Variants in C12orf42 observed in about 807,000 individuals in gnomAD.
C12orf42 encodes the protein chromosome 12 open reading frame 42.
In C12orf42, 25 loss-of-function variants were observed where a neutral mutation model predicts 21.6. That is an observed-to-expected ratio of 1.16 (90% confidence interval 0.84 to 1.62). C12orf42 has a LOEUF of 1.62. Among genes scored for constraint, C12orf42 ranks in the 40% most tolerant of loss-of-function variants. The pLI is 0.00. For missense variants in C12orf42, 483 were observed against 459.3 expected (o/e 1.05, Z -0.47); for synonymous variants, 174 against 175.0 (o/e 0.99, Z 0.05).
chr12:103,285,351 C>T (rs2036378867), intron 4 of C12orf42, among the ~76,000 whole-genome samples: 2 of 152,274 alleles, frequency 1.3e-5, no homozygotes, highest in South Asian at 4.2e-4. Context: ...AAGGATCCAG[C>T]CAGGTAAGAA....
rs552655838 is a variant in C12orf42 at position 103,285,696 on chromosome 12, T to C, written n.338-8486A>G. Among the ~76,000 whole-genome samples, 116 of 152,370 alleles carry C rather than the reference T, an allele frequency of 7.6e-4. No homozygotes were observed. The Middle Eastern group carries it at 0.01, about 13-fold the overall frequency. On this transcript the variant is annotated intron_variant and non_coding_transcript_variant, in intron 4 of 6. Coordinates refer to the C12orf42 transcript ENST00000546526. Reference sequence around the variant, plus strand: ...GAATAATATTGGATGTATAGTCTGATGCCAAATGACAGCAACTCCAAATAG... The same window carrying C: ...GAATAATATTGGATGTATAGTCTGACGCCAAATGACAGCAACTCCAAATAG...
rs1490635603 is a variant in C12orf42 at position 103,305,987 on chromosome 12, G to A, written c.618C>T (p.Pro206=). The change falls in exon 5 of 6, where the codon CCC becomes CCT. Residue 206 remains proline (P), a synonymous_variant. Transcript: ENST00000548883. ...TRPKGQPLSS[P]KKNSGSAARP... is the part of the protein sequence containing the mutation. ...CATGATACTTACCAGAATTTTTCTT[G>A]GGACTGCTCAAGGGCTGGCCCTTAG... is the stretch of plus-strand genomic sequence containing the variant. 1 of 1,600,132 alleles carries A rather than the reference G, an allele frequency of 6.2e-7. No individual in the cohort carries two copies.
At chr12:103,487,936 G>A (rs1954945143) in intron 1 of C12orf42, among the ~76,000 whole-genome samples, 1 of 152,092 alleles carries the variant, frequency 6.6e-6, no homozygotes. Flanking sequence ...CTTTTAATTG[G>A]GGTATTTAGC....
intron 3 of C12orf42, among the ~76,000 whole-genome samples, chr12:103,393,472 A>T (rs78395906): frequency 0.026 from 3,892 of 152,280 alleles, 58 homozygotes; most frequent in Non-Finnish European, 0.04. Context: ...TGGGGATTAT[A>T]TCTCAACATG....
At chr12:103,338,196 C>T (rs977110985) in intron 4 of C12orf42, among the ~76,000 whole-genome samples, 1 of 152,186 alleles carries the variant, frequency 6.6e-6, no homozygotes, top group African/African-American at 2.4e-5. Context: ...AGAAAATTTA[C>T]ATTTAAATTG....
downstream of C12orf42, chr12:103,268,230 T>C (rs1429446928): frequency 1.3e-5 from 2 of 152,018 alleles, no homozygotes; most frequent in Non-Finnish European, 2.9e-5. Context: ...TGTATAACAA[T>C]TGGAGTAAGC....
chr12:103,054,665 G>A, the C12orf42 span, among the ~76,000 whole-genome samples: 1 of 151,734 alleles, frequency 6.6e-6, no homozygotes, highest in Admixed American at 6.6e-5. Context: ...AATATTAAGG[G>A]GAATATATTC....
chr12:103,505,386 C>G, the C12orf42 span: 1 of 327,518 alleles, frequency 3.1e-6, no homozygotes. Context: ...GGCTGCACGT[C>G]TGACCCCATA....
At chr12:103,160,193 G>T in the C12orf42 span, among the ~76,000 whole-genome samples, 1 of 152,182 alleles carries the variant, frequency 6.6e-6, no homozygotes, top group Non-Finnish European at 1.5e-5. Context: ...CCCAGAATCT[G>T]TCCTAACATC....
rs756721534 is a variant in C12orf42 at position 103,302,361 on chromosome 12, G to A, written c.830C>T (p.Ala277Val). The change falls in exon 6 of 6, where the codon GCG becomes GTG. Residue 277 changes from alanine to valine, a missense_variant. Coordinates refer to ENST00000548883, the MANE Select transcript of C12orf42 (RefSeq NM_198521.5). The part of the protein sequence containing the change: ...GASGNPVGKG[A>V]VAMAPEMLPK... ...GAGCATCTCCGGCGCCATGGCAACC[G>A]CGCCTTTTCCGACGGGATTTCCGGA... 4 of 1,613,968 alleles carry A rather than the reference G, an allele frequency of 2.5e-6. No homozygotes were observed. In the East Asian group the frequency reaches 8.9e-5, roughly 36 times the overall value.
At chr12:103,203,678 A>G in the C12orf42 span, among the ~76,000 whole-genome samples, 1 of 152,200 alleles carries the variant, frequency 6.6e-6, no homozygotes, top group Non-Finnish European at 1.5e-5. Flanking sequence ...TTTCCCAAAC[A>G]TAAGAGCATG....
chr12:103,178,971 T>C, the C12orf42 span, among the ~76,000 whole-genome samples: 2 of 152,196 alleles, frequency 1.3e-5, no homozygotes, highest in Admixed American at 1.3e-4. Flanking sequence ...TCCAATGAAC[T>C]GACCAGTTGT....
chr12:103,306,138 C>T lies in C12orf42; in HGVS notation c.467G>A (p.Gly156Glu). The T allele has an allele frequency of 1.2e-6, 2 of 1,613,906 alleles. No individual in the cohort carries two copies. Among genetic ancestry groups the T allele is most frequent in the Non-Finnish European group, 1.7e-6 (2 of 1,179,850 alleles). Reference protein sequence around the residue: ...ARGETEERARGAPKQAWNSSF... With the variant: ...ARGETEERAREAPKQAWNSSF... ...ACTGTTCCAAGCCTGCTTGGGTGCT[C>T]CTCTGGCTCTCTCCTCAGTTTCTCC... The change falls in exon 5 of 6, where the codon GGA becomes GAA. Residue 156 changes from glycine to glutamate, a missense_variant. Gly to Glu is a moderately conservative substitution (Grantham distance 98). Transcript: ENST00000548883.
chr12:103,239,344 C>T (rs2033619553), intron 10 of C12orf42, among the ~76,000 whole-genome samples: 1 of 152,178 alleles, frequency 6.6e-6, no homozygotes, highest in Non-Finnish European at 1.5e-5. Context: ...TTGGCATCAA[C>T]TATAATCGGA....
chr12:103,495,935 C>T lies in C12orf42; in HGVS notation c.-55G>A, dbSNP rs1184670813. ...GCAGGGTCCCTATCCCGGGGCGCCG[C>T]CCGCAGCCTCCTCCGCGGGAGCTGG... On this transcript the variant is annotated 5_prime_UTR_variant, in exon 1 of 6. Coordinates refer to ENST00000548883, the MANE Select transcript of C12orf42 (RefSeq NM_198521.5). 1 of 152,382 alleles carries T rather than the reference C, an allele frequency of 6.6e-6. No homozygotes were observed. The highest frequency in any genetic ancestry group is 1.5e-5 in the Non-Finnish European group (1 of 68,200). 9.4% of individuals were successfully genotyped at this position (152,382 alleles called of 1,614,324 possible).
At chr12:103,131,202 A>C in the C12orf42 span, among the ~76,000 whole-genome samples, 1 of 152,194 alleles carries the variant, frequency 6.6e-6, no homozygotes, top group East Asian at 1.9e-4. Context: ...GAGAAGACTA[A>C]AATTTCCTGA....
At chr12:103,396,204 G>T (rs932347985) in intron 3 of C12orf42, among the ~76,000 whole-genome samples, 6 of 152,078 alleles carry the variant, frequency 3.9e-5, no homozygotes, top group African/African-American at 1.4e-4. Flanking sequence ...GATCATGGGG[G>T]TATTTTCCCC....
chr12:103,182,050 G>A, the C12orf42 span, among the ~76,000 whole-genome samples: 2,911 of 151,998 alleles, frequency 0.019, 35 homozygotes, highest in East Asian at 0.028. Context: ...ATTAGTAATC[G>A]TAGGGTTTTT....
At chr12:103,408,031 A>G (rs1566258288) in intron 2 of C12orf42, among the ~76,000 whole-genome samples, 1 of 152,198 alleles carries the variant, frequency 6.6e-6, no homozygotes, top group Non-Finnish European at 1.5e-5. Context: ...CTCTTTGCAG[A>G]TAAAGCCCCG....
Sources: gnomAD v4.1 joint callset for allele counts (sites outside exome capture counted in the v4.1 genomes callset) on GRCh38, gnomAD v4.1.1 for gene constraint, MANE v1.5 for transcripts, NCBI Gene and HGNC (gene_info 2026-07-23, HGNC 2026-07-21) for gene names.